KCNT1: variants seen among roughly 807,000 people sequenced by gnomAD.
The protein encoded by KCNT1 is potassium channel subfamily T member 1.
In KCNT1, 78 loss-of-function variants were observed where a neutral mutation model predicts 147.8. The observed-to-expected ratio is 0.53, with a 90% confidence interval of 0.44 to 0.64. The LOEUF is 0.64. Ranked by LOEUF, KCNT1 falls within the 30% of genes least tolerant of loss-of-function variation. The probability of loss-of-function intolerance (pLI) is 0.00; values close to 1 mark genes in which losing one functional copy is unlikely to be tolerated. For synonymous variants in KCNT1, 867 were observed against 748.8 expected (o/e 1.16, Z -2.58); for missense variants, 1,419 against 1,750.3 (o/e 0.81, Z 3.38).
At chr9:135,733,868 T>C in intron 2 of KCNT1, among the ~76,000 whole-genome samples, 1 of 149,876 alleles carries the variant, frequency 6.7e-6, no homozygotes, top group African/African-American at 2.5e-5. Context: ...GGTGTCATAA[T>C]CCACCCCCCG....
Position 135,784,579 on chromosome 9 carries a change from G to A in KCNT1, c.2988G>A (p.Leu996=), listed in dbSNP as rs1221722628. 3 of 1,582,260 alleles carry A rather than the reference G, an allele frequency of 1.9e-6. No individual in the cohort carries two copies. Among genetic ancestry groups the A allele is most frequent in the Non-Finnish European group, 2.6e-6 (3 of 1,165,406 alleles). The change falls in exon 26 of 31, where the codon CTG becomes CTA. Residue 996 remains leucine, a synonymous_variant. Transcript: ENST00000371757. ...DYMITITRLL[L]GLDTTPGSGY... Reference sequence around the variant, plus strand: ...TGATCACCATCACCCGGCTGCTGCTGGGCCTGGACACCACGCCGGGCTCGG... The same window carrying A: ...TGATCACCATCACCCGGCTGCTGCTAGGCCTGGACACCACGCCGGGCTCGG...
In KCNT1 at chr9:135,777,564, G is replaced by A; in HGVS notation, c.2522+54G>A. On this transcript the variant is annotated intron_variant, in intron 21 of 30. Coordinates refer to ENST00000371757, the MANE Select transcript of KCNT1 (RefSeq NM_020822.3). ...GCCCACCCGGGCCCTCAGACCTGCA[G>A]CCAGCAGCCTCCCCAACTGGGCCCA... 2.7e-6 allele frequency: 4 copies of A among 1,488,644 alleles called. No homozygotes were observed. In the South Asian group the frequency reaches 4.9e-5, roughly 18 times the overall value. The allele number at this position is 1,488,644 out of a possible 1,614,324, so 92.2% of individuals were successfully genotyped here. A position where few individuals can be genotyped will look rare whatever the true frequency, so the allele number is the denominator to read the frequency against.
chr9:135,773,834 G>T (rs1000796137), intron 19 of KCNT1, among the ~76,000 whole-genome samples: 1 of 152,254 alleles, frequency 6.6e-6, no homozygotes, highest in African/African-American at 2.4e-5. Flanking sequence ...ACAACAGCCT[G>T]GCTGGACAAG....
At chr9:135,786,173 C>A in intron 28 of KCNT1, 24 bp from the exon 29 acceptor site, 1 of 869,834 alleles carries the variant, frequency 1.1e-6, no homozygotes, top group South Asian at 2.2e-5. Context: ...CCCTCCCCGC[C>A]CTGCCCTGCC....
rs147426249 is a variant in KCNT1 at position 135,782,990 on chromosome 9, G to C, written c.2842-1034G>C. ...TCTGCCTGCTTGTCCTGTCGCTGTC[G>C]TGTCTTTTACCTGTGAATCGAGTTC... On this transcript the variant is annotated intron_variant, in intron 24 of 30. Coordinates refer to ENST00000371757, the MANE Select transcript of KCNT1 (RefSeq NM_020822.3). Among the ~76,000 whole-genome samples, 954 of 152,308 alleles carry C rather than the reference G, an allele frequency of 6.3e-3. 12 individuals carry two copies. The highest frequency in any genetic ancestry group is 0.022 in the African/African-American group (914 of 41,568).
intron 2 of KCNT1, among the ~76,000 whole-genome samples, chr9:135,746,990 G>A (rs1751661235): frequency 6.6e-6 from 1 of 152,118 alleles, no homozygotes. Flanking sequence ...TTCTGCCTCG[G>A]GGAGGGGGAG....
chr9:135,744,757 A>G (rs1267173045), intron 2 of KCNT1, among the ~76,000 whole-genome samples: 2 of 152,200 alleles, frequency 1.3e-5, no homozygotes, highest in Non-Finnish European at 2.9e-5. Flanking sequence ...TGGATTCCTC[A>G]GGGACCAAGG....
Position 135,775,369 on chromosome 9 carries a change from A to G in KCNT1, c.2303A>G (p.His768Arg), listed in dbSNP as rs752738271. ...ATCGGCAGCTCCCCAACCCTGTGCCACCTCCTGCCTGTGAAAGCCCCCTTC... is the reference window on the plus strand; with the variant it reads ...ATCGGCAGCTCCCCAACCCTGTGCCGCCTCCTGCCTGTGAAAGCCCCCTTC... ...PYIGSSPTLCHLLPVKAPFCC... is the reference protein window; with the variant it reads ...PYIGSSPTLCRLLPVKAPFCC... The change falls in exon 20 of 31, where the codon CAC becomes CGC. Residue 768 changes from histidine (H) to arginine (R), a missense_variant. Physicochemically the swap from His to Arg is conservative, Grantham distance 29 (BLOSUM62 0). Coordinates refer to ENST00000371757, the MANE Select transcript of KCNT1 (RefSeq NM_020822.3). 6.2e-7 allele frequency: 1 copy of G among 1,610,410 alleles called. No individual in the cohort carries two copies. The highest frequency in any genetic ancestry group is 1.3e-5 in the African/African-American group (1 of 74,852).
rs1165327237 is a variant in KCNT1 at position 135,770,334 on chromosome 9, G to T, written c.1656G>T (p.Met552Ile). The T allele has an allele frequency of 1.2e-6, 2 of 1,611,906 alleles. No homozygotes were observed. Among genetic ancestry groups the T allele is most frequent in the South Asian group, 1.1e-5 (1 of 90,930 alleles). Residue 552 changes from methionine to isoleucine, a missense_variant, in exon 17 of 31, where the codon ATG becomes ATT. Physicochemically the swap from Met to Ile is conservative, Grantham distance 10. Coordinates refer to ENST00000371757, the MANE Select transcript of KCNT1 (RefSeq NM_020822.3). Reference sequence around the variant, plus strand: ...AGTCTCCGGAGCAGTGGCAGCGCATGTATGGGCGCTGCTCCGGCAACGAGG... The same window carrying T: ...AGTCTCCGGAGCAGTGGCAGCGCATTTATGGGCGCTGCTCCGGCAACGAGG... The part of the protein sequence containing the change: ...GQESPEQWQR[M>I]YGRCSGNEVY...
At chr9:135,731,458 C>T (rs1253375548) in intron 2 of KCNT1, among the ~76,000 whole-genome samples, 2 of 152,146 alleles carry the variant, frequency 1.3e-5, no homozygotes, top group South Asian at 2.1e-4. Context: ...GTGGGCTTCC[C>T]GCTGCCCACC....
chr9:135,761,655 A>G (rs1831918327), intron 11 of KCNT1, among the ~76,000 whole-genome samples: 1 of 152,214 alleles, frequency 6.6e-6, no homozygotes, highest in Admixed American at 6.5e-5. Context: ...GCCCCGGCCC[A>G]CACTTCACCA....
intron 9 of KCNT1, among the ~76,000 whole-genome samples, chr9:135,757,837 T>G (rs2131440738): frequency 6.6e-6 from 1 of 152,262 alleles, no homozygotes; most frequent in South Asian, 2.1e-4. Flanking sequence ...ATGGCAGCAG[T>G]CAGTTCCCTA....
At chr9:135,741,705 C>T (rs1467762896) in intron 2 of KCNT1, among the ~76,000 whole-genome samples, 1 of 152,266 alleles carries the variant, frequency 6.6e-6, no homozygotes, top group East Asian at 1.9e-4. Flanking sequence ...GAGAGCCTGG[C>T]GTAGGCCGAT....
intron 2 of KCNT1, among the ~76,000 whole-genome samples, chr9:135,739,202 C>T (rs866092403): frequency 3.9e-5 from 6 of 152,122 alleles, no homozygotes; most frequent in African/African-American, 4.8e-5. Flanking sequence ...ACTGCGTGTT[C>T]TGCCCCCACA....
chr9:135,706,981 C>G (rs1193728370), intron 1 of KCNT1, among the ~76,000 whole-genome samples: 2 of 151,830 alleles, frequency 1.3e-5, no homozygotes, highest in African/African-American at 4.8e-5. Context: ...TCACTTGTGC[C>G]TCAGTTCCCA....
At chr9:135,763,650 G>A (rs904344797) in intron 11 of KCNT1, among the ~76,000 whole-genome samples, 3 of 152,134 alleles carry the variant, frequency 2.0e-5, no homozygotes, top group East Asian at 3.9e-4. Flanking sequence ...CCTCTGCCCC[G>A]TGTGCACTTG....
chr9:135,704,617 C>T (rs1221224268), intron 1 of KCNT1, among the ~76,000 whole-genome samples: 2 of 152,218 alleles, frequency 1.3e-5, no homozygotes, highest in Non-Finnish European at 2.9e-5. Flanking sequence ...CACCCCCTGC[C>T]CAGCGCACTT....
intron 2 of KCNT1, among the ~76,000 whole-genome samples, chr9:135,720,789 C>T (rs1835894643): frequency 6.6e-6 from 1 of 152,230 alleles, no homozygotes; most frequent in African/African-American, 2.4e-5. Context: ...GTGGCCTGGG[C>T]AGGACCTAGG....
chr9:135,742,047 C>G (rs1319654115), intron 2 of KCNT1, among the ~76,000 whole-genome samples: 1 of 152,206 alleles, frequency 6.6e-6, no homozygotes, highest in Non-Finnish European at 1.5e-5. Context: ...GCTGGCCAGT[C>G]TGGGACAACT....
Sources: gnomAD v4.1 joint callset for allele counts (sites outside exome capture counted in the v4.1 genomes callset) on GRCh38, gnomAD v4.1.1 for gene constraint, MANE v1.5 for transcripts, NCBI Gene and HGNC (gene_info 2026-07-23, HGNC 2026-07-21) for gene names.